GRIP1: variants seen among roughly 807,000 people sequenced by gnomAD.
The protein encoded by GRIP1 is glutamate receptor-interacting protein 1.
In GRIP1, 45 loss-of-function variants were observed where a neutral mutation model predicts 129.9. The observed-to-expected ratio is 0.35, with a 90% CI of 0.27 to 0.44. The LOEUF is 0.44. GRIP1 is among the 20% of genes least tolerant of loss of function. The pLI, the probability that GRIP1 is intolerant of heterozygous loss-of-function variation, is 1.00. For missense variants in GRIP1, 1,196 were observed against 1,396.8 expected (o/e 0.86, Z 2.29); for synonymous variants, 530 against 520.8 (o/e 1.02, Z -0.24).
intron 11 of GRIP1, among the ~76,000 whole-genome samples, chr12:66,452,999 C>G (rs2058851355): frequency 6.6e-6 from 1 of 152,072 alleles, no homozygotes; most frequent in Admixed American, 6.6e-5. Context: ...TATAAACATT[C>G]TGGTATGTTT....
intron 2 of GRIP1, among the ~76,000 whole-genome samples, chr12:66,550,956 T>C (rs2062106383): frequency 6.6e-6 from 1 of 152,196 alleles, no homozygotes; most frequent in Non-Finnish European, 1.5e-5. Context: ...TCAGGCAGTT[T>C]TCCTTTGGAA....
intron 1 of GRIP1, among the ~76,000 whole-genome samples, chr12:67,034,983 C>G (rs1225627784): frequency 6.6e-6 from 1 of 152,204 alleles, no homozygotes; most frequent in Non-Finnish European, 1.5e-5. Flanking sequence ...TCCATTCACT[C>G]CAGCAAATAG....
chr12:66,855,502 A>G (rs1244570075), intron 1 of GRIP1, among the ~76,000 whole-genome samples: 1 of 152,062 alleles, frequency 6.6e-6, no homozygotes, highest in East Asian at 1.9e-4. Context: ...CTGTTGATTC[A>G]TATCACTTAA....
At chr12:66,561,953 G>A (rs1198987002) in intron 2 of GRIP1, among the ~76,000 whole-genome samples, 1 of 151,862 alleles carries the variant, frequency 6.6e-6, no homozygotes, top group Non-Finnish European at 1.5e-5. Flanking sequence ...AAATTACCCA[G>A]GCATGGTGGT....
intron 2 of GRIP1, among the ~76,000 whole-genome samples, chr12:66,560,436 T>C (rs1413723569): frequency 6.6e-6 from 1 of 152,114 alleles, no homozygotes; most frequent in East Asian, 1.9e-4. Context: ...AAGGGATTAG[T>C]AACCAGAATA....
At chr12:66,369,330 TTAACAAGA>T in intron 23 of GRIP1, among the ~76,000 whole-genome samples, 1 of 151,394 alleles carries the variant, frequency 6.6e-6, no homozygotes, top group Non-Finnish European at 1.5e-5. Context: ...TTTTTTCTTT[TTAACAAGA>T]TCTTTTTTTT....
intron 1 of GRIP1, among the ~76,000 whole-genome samples, chr12:66,783,099 T>C (rs946020563): frequency 6.6e-6 from 1 of 152,118 alleles, no homozygotes; most frequent in Non-Finnish European, 1.5e-5. Context: ...GGCACAATTT[T>C]GGCCCACTGC....
chr12:66,660,042 A>G (rs2033401872), intron 1 of GRIP1, among the ~76,000 whole-genome samples: 1 of 152,224 alleles, frequency 6.6e-6, no homozygotes, highest in African/African-American at 2.4e-5. Context: ...TTTAGAGAGA[A>G]AAACTAAAGT....
chr12:66,908,388 T>A (rs2040971737), intron 1 of GRIP1, among the ~76,000 whole-genome samples: 1 of 152,062 alleles, frequency 6.6e-6, no homozygotes, highest in African/African-American at 2.4e-5. Flanking sequence ...AGGAGAGGAT[T>A]TCAAGAAGGA....
chr12:66,603,462 G>T (rs1176125413), intron 1 of GRIP1, among the ~76,000 whole-genome samples: 2 of 152,154 alleles, frequency 1.3e-5, no homozygotes, highest in Non-Finnish European at 2.9e-5. Context: ...TGTCAAAAAT[G>T]CAGAATCTCA....
chr12:66,451,383 G>GTTTGTTTTTTTTTTTTTTTT (rs2058794233), intron 11 of GRIP1, among the ~76,000 whole-genome samples: 1 of 42,650 alleles, frequency 2.3e-5, no homozygotes, highest in Non-Finnish European at 4.2e-5. Context: ...ATTATAATCT[G>GTTTGTTTTTTTTTTTTTTTT]TTTTTTTTTT....
intron 1 of GRIP1, among the ~76,000 whole-genome samples, chr12:66,935,467 G>C (rs2041468224): frequency 6.6e-6 from 1 of 152,132 alleles, no homozygotes; most frequent in Non-Finnish European, 1.5e-5. Flanking sequence ...TGTGATTAAA[G>C]GGTTGGGGCT....
In GRIP1 at chr12:66,754,891, T is replaced by A. The variant is rs147836887; in HGVS notation, c.-420+49162A>T. ...TCTGATACCCTTTCATCTAGTTGGC[T>A]ATCATGAAATTGATCAGAAGGCAAT... On this transcript the variant is annotated intron_variant, in intron 1 of 4. Coordinates refer to the GRIP1 transcript ENST00000538373. Among the ~76,000 whole-genome samples, 1,065 of 152,264 alleles carry A rather than the reference T, an allele frequency of 7.0e-3. 10 individuals are homozygous for A. Among genetic ancestry groups the A allele is most frequent in the South Asian group, 0.029 (139 of 4,820 alleles).
chr12:66,455,972 A>G (rs1298398812), intron 10 of GRIP1, among the ~76,000 whole-genome samples: 1 of 152,220 alleles, frequency 6.6e-6, no homozygotes, highest in African/African-American at 2.4e-5. Flanking sequence ...TTACTTCCTG[A>G]GCCACATATA....
At chr12:66,680,216 C>T (rs2034530796), upstream of GRIP1, among the ~76,000 whole-genome samples, 1 of 152,166 alleles carries the variant, frequency 6.6e-6, no homozygotes, top group African/African-American at 2.4e-5. Flanking sequence ...ACTCTTCAGG[C>T]TGTGAAAAAA....
At chr12:66,584,584 A>G (rs1217572744) in intron 2 of GRIP1, among the ~76,000 whole-genome samples, 1 of 152,142 alleles carries the variant, frequency 6.6e-6, no homozygotes, top group Non-Finnish European at 1.5e-5. Flanking sequence ...GGGTGTTATA[A>G]AAATGATTAT....
chr12:67,026,239 G>A (rs1715618036), intron 1 of GRIP1, among the ~76,000 whole-genome samples: 1 of 151,998 alleles, frequency 6.6e-6, no homozygotes, highest in African/African-American at 2.4e-5. Flanking sequence ...AAAACATAAA[G>A]AAGAAAACAA....
At chr12:66,447,770 C>T (rs1299644802) in intron 11 of GRIP1, among the ~76,000 whole-genome samples, 2 of 152,136 alleles carry the variant, frequency 1.3e-5, no homozygotes, top group Admixed American at 6.5e-5. Context: ...TGTCTATAGA[C>T]GTGTACTGAT....
intron 14 of GRIP1, among the ~76,000 whole-genome samples, chr12:66,425,888 G>C (rs927754925): frequency 3.9e-5 from 6 of 151,942 alleles, no homozygotes; most frequent in African/African-American, 1.5e-4. Context: ...CGAGTGAATG[G>C]GTGCAGCACA....
Sources: allele counts gnomAD v4.1 joint callset (sites outside exome capture counted in the v4.1 genomes callset), GRCh38; gene constraint gnomAD v4.1.1; transcripts MANE v1.5; gene names NCBI Gene and HGNC (gene_info 2026-07-23, HGNC 2026-07-21).